MS4A14: variants seen among roughly 807,000 people sequenced by gnomAD.
MS4A14 encodes membrane-spanning 4-domains subfamily A member 14.
A neutral mutation model predicts 16.7 loss-of-function variants in MS4A14; 18 were observed. That is an observed-to-expected ratio of 1.08 (90% CI 0.75 to 1.60). The LOEUF is 1.60. Among genes scored for constraint, MS4A14 ranks in the 40% most tolerant of loss-of-function variants. The probability of loss-of-function intolerance (pLI) is 0.00; values close to 1 mark genes in which losing one functional copy is unlikely to be tolerated. For synonymous variants in MS4A14, 305 were observed against 289.4 expected (o/e 1.05, Z -0.55); for missense variants, 812 against 775.3 (o/e 1.05, Z -0.56).
In MS4A14 at chr11:60,403,300, G is replaced by A. The variant is rs576125850; in HGVS notation, c.468+239G>A. 71 of 477,254 alleles carry A rather than the reference G, an allele frequency of 1.5e-4. 1 individual carries two copies. Among genetic ancestry groups the A allele is most frequent in the South Asian group, 7.3e-4 (33 of 45,308 alleles). The allele number at this position is 477,254 out of a possible 1,614,324, so 29.6% of individuals were successfully genotyped here. ...TAATATTGTATTCTCTCTAAGCTTCGGTTTTCCTCAAGTGGAAAATGAACA... is the reference window on the plus strand; with the variant it reads ...TAATATTGTATTCTCTCTAAGCTTCAGTTTTCCTCAAGTGGAAAATGAACA... On this transcript the variant is annotated intron_variant, in intron 4 of 4. Coordinates refer to ENST00000300187, the MANE Select transcript of MS4A14 (RefSeq NM_032597.5).
intron 2 of MS4A14, among the ~76,000 whole-genome samples, chr11:60,399,537 G>C (rs1489724295): frequency 6.6e-6 from 1 of 152,182 alleles, no homozygotes; most frequent in Non-Finnish European, 1.5e-5. Flanking sequence ...TTTTAAAGAG[G>C]ATAGTGACAC....
intron 4 of MS4A14, among the ~76,000 whole-genome samples, chr11:60,405,249 T>C (rs1018917892): frequency 2.0e-5 from 3 of 152,144 alleles, no homozygotes; most frequent in Admixed American, 2.0e-4. Flanking sequence ...CCAGCTAATT[T>C]TGTATTTTTA....
Position 60,406,318 on chromosome 11 carries a change from G to A in MS4A14, c.468+3257G>A, listed in dbSNP as rs567867507. Among the ~76,000 whole-genome samples the A allele has an allele frequency of 4.6e-5, 7 of 152,192 alleles. No individual in the cohort carries two copies. The South Asian group carries it at 1.5e-3, about 32-fold the overall frequency. ...CTGTGACATGGGGTGTATATTCTTG[G>A]ATCATAAGATGTGTGACACAGTTCC... On this transcript the variant is annotated intron_variant, in intron 4 of 4. Transcript: ENST00000300187.
rs1363935999 is a variant in MS4A14 at position 60,416,547 on chromosome 11, T to C, written c.1579T>C (p.Ser527Pro). Residue 527 changes from serine to proline, a missense_variant, in exon 5 of 5, where the codon TCT becomes CCT. Physicochemically the swap from Ser to Pro is moderately conservative, Grantham distance 74 (BLOSUM62 -1). Transcript: ENST00000300187. ...AGATCAGCAAAGCAAAGGCTGGCAATCTCCAAAGCAGAAATCCTTAGACCA... is the reference window on the plus strand; with the variant it reads ...AGATCAGCAAAGCAAAGGCTGGCAACCTCCAAAGCAGAAATCCTTAGACCA... ...SLDQQSKGWQ[S>P]PKQKSLDQQI... is the part of the protein sequence containing the mutation. The C allele has an allele frequency of 6.2e-7, 1 of 1,613,628 alleles. No individual in the cohort carries two copies. The highest frequency in any genetic ancestry group is 2.2e-5 in the East Asian group (1 of 44,858).
At position 60,415,919 on chromosome 11, in the gene MS4A14, T is replaced by G. The variant is rs114663860; in HGVS notation, c.951T>G (p.Pro317=). The change falls in exon 5 of 5, where the codon CCT becomes CCG. Residue 317 remains proline, a synonymous_variant. Transcript: ENST00000300187. ...HSALKLEDIS[P]EDLPSQALPV... ...CACTAAAACTCGAAGATATATCACC[T>G]GAAGACTTGCCATCCCAAGCTCTAC... The G allele has an allele frequency of 2.5e-3, 4,081 of 1,613,960 alleles. 54 individuals carry two copies. The highest frequency in any genetic ancestry group is 0.024 in the African/African-American group (1,812 of 75,008).
rs2085944282 is a variant in MS4A14, at chr11:60,416,388, G to A, written c.1420G>A (p.Glu474Lys). 3.7e-6 allele frequency: 6 copies of A among 1,613,856 alleles called. No homozygotes were observed. The highest frequency in any genetic ancestry group is 1.3e-5 in the African/African-American group (1 of 74,910). Residue 474 changes from glutamate (E) to lysine (K), a missense_variant, in exon 5 of 5, where the codon GAG becomes AAG. Glu to Lys is a moderately conservative substitution (Grantham distance 56). Coordinates refer to ENST00000300187, the MANE Select transcript of MS4A14 (RefSeq NM_032597.5). ...GGAAGAGACCAAAGAATGGAAATCT[G>A]AGGAGGAACTCCATAGAAGAAAATC... ...VMEETKEWKS[E>K]EELHRRKSSR...
At chr11:60,397,806 G>C (rs1295293070) in intron 1 of MS4A14, 46 bp from the exon 2 acceptor site, 7 of 1,597,940 alleles carry the variant, frequency 4.4e-6, no homozygotes, top group Non-Finnish European at 6.0e-6. Context: ...TAGCCCACAG[G>C]GTCTTGGATA....
chr11:60,413,718 C>A (rs1186176242), intron 4 of MS4A14, among the ~76,000 whole-genome samples: 1 of 151,938 alleles, frequency 6.6e-6, no homozygotes, highest in Non-Finnish European at 1.5e-5. Context: ...ACAGGGGATT[C>A]AAAAATAATA....
chr11:60,398,081 G>A (rs1262279945), intron 2 of MS4A14, 101 bp downstream of exon 2: 8 of 1,345,094 alleles, frequency 5.9e-6, no homozygotes, highest in Non-Finnish European at 6.0e-6. Flanking sequence ...TGGCCCTCCA[G>A]GAGACCAAAA....
intron 4 of MS4A14, among the ~76,000 whole-genome samples, chr11:60,409,380 A>G (rs1294312653): frequency 6.6e-6 from 1 of 151,942 alleles, no homozygotes; most frequent in Non-Finnish European, 1.5e-5. Flanking sequence ...CATGAAGTCA[A>G]CTTTTTTAGA....
intron 3 of MS4A14, 74 bp downstream of exon 3, chr11:60,400,528 G>T: frequency 9.4e-7 from 1 of 1,067,690 alleles, no homozygotes; most frequent in Admixed American, 2.1e-5. Flanking sequence ...GAAGCCTTTA[G>T]TAATAAAGTT....
chr11:60,414,644 C>T (rs2085912820), intron 4 of MS4A14, among the ~76,000 whole-genome samples: 1 of 152,052 alleles, frequency 6.6e-6, no homozygotes, highest in South Asian at 2.1e-4. Flanking sequence ...TAAAAAACTC[C>T]AATTGCTTCC....
Position 60,396,559 on chromosome 11 carries a change from T to C in MS4A14, c.-20T>C. 10 of 1,611,444 alleles carry C rather than the reference T, an allele frequency of 6.2e-6. No homozygotes were observed. Among genetic ancestry groups the C allele is most frequent in the Non-Finnish European group, 8.5e-6 (10 of 1,178,788 alleles). On this transcript the variant is annotated 5_prime_UTR_variant, in exon 1 of 5. It removes the in-frame stop codon of an upstream open reading frame in the 5' UTR. Coordinates refer to ENST00000300187, the MANE Select transcript of MS4A14 (RefSeq NM_032597.5). Reference sequence around the variant, plus strand: ...AATGTTTGCTCACTCTTTCCCTTACTAGAGTTCTGCCATAGAATCATGGAG... The same window carrying C: ...AATGTTTGCTCACTCTTTCCCTTACCAGAGTTCTGCCATAGAATCATGGAG...
chr11:60,398,868 A>C (rs2085668739), intron 2 of MS4A14, among the ~76,000 whole-genome samples: 1 of 152,190 alleles, frequency 6.6e-6, no homozygotes, highest in African/African-American at 2.4e-5. Context: ...TGATTTTCAA[A>C]CTATACATGC....
chr11:60,416,421 C>T lies in MS4A14; in HGVS notation c.1453C>T (p.Arg485Trp), dbSNP rs376488191. The change falls in exon 5 of 5, where the codon CGG becomes TGG. Residue 485 changes from arginine to tryptophan, a missense_variant. Transcript: ENST00000300187. Reference protein sequence around the residue: ...EELHRRKSSRRHSLNQQTKAL... With the variant: ...EELHRRKSSRWHSLNQQTKAL... The stretch of plus-strand genomic sequence containing the variant: ...ACTCCATAGAAGAAAATCCTCAAGA[C>T]GGCATTCCTTAAACCAGCAAACCAA... 71 of 1,613,826 alleles carry T rather than the reference C, an allele frequency of 4.4e-5. 1 individual carries two copies. The Middle Eastern group carries it at 4.9e-4, about 11-fold the overall frequency.
chr11:60,417,126 A>C lies in MS4A14; in HGVS notation c.*118A>C. 1 of 1,317,430 alleles carries C rather than the reference A, an allele frequency of 7.6e-7. No homozygotes were observed. The highest frequency in any genetic ancestry group is 1.0e-6 in the Non-Finnish European group (1 of 986,990). The allele number at this position is 1,317,430 out of a possible 1,614,324, so 81.6% of individuals were successfully genotyped here. A position where few individuals can be genotyped will look rare whatever the true frequency, so the allele number is the denominator to read the frequency against. ...CTAAAGCAGAAAGCTCTATACCAAGAAGTCCAAACCCAGCACGCAACAGCC... is the reference window on the plus strand; with the variant it reads ...CTAAAGCAGAAAGCTCTATACCAAGCAGTCCAAACCCAGCACGCAACAGCC... On this transcript the variant is annotated 3_prime_UTR_variant, in exon 5 of 5. Coordinates refer to ENST00000300187, the MANE Select transcript of MS4A14 (RefSeq NM_032597.5).
At chr11:60,404,525 A>G (rs776186909) in intron 4 of MS4A14, 2 of 456,780 alleles carry the variant, frequency 4.4e-6, no homozygotes, top group African/African-American at 4.0e-5. Flanking sequence ...TATCCTACCT[A>G]TCTTTCCAAC....
intron 4 of MS4A14, among the ~76,000 whole-genome samples, chr11:60,411,560 A>G (rs188018354): frequency 6.6e-6 from 1 of 152,246 alleles, no homozygotes; most frequent in East Asian, 1.9e-4. Context: ...TGTTATTTTC[A>G]TATTGTTTAT....
Position 60,417,056 on chromosome 11 carries a change from G to T in MS4A14, c.*48G>T. The T allele has an allele frequency of 6.4e-7, 1 of 1,561,624 alleles. No individual in the cohort carries two copies. Among genetic ancestry groups the T allele is most frequent in the Non-Finnish European group, 8.6e-7 (1 of 1,158,036 alleles). ...TTATAAAGCACGAGAATGGCAATTT[G>T]AAATGAAGCACTGGCAAACACAGGA... is the stretch of plus-strand genomic sequence containing the variant. On this transcript the variant is annotated 3_prime_UTR_variant, in exon 5 of 5. Coordinates refer to ENST00000300187, the MANE Select transcript of MS4A14 (RefSeq NM_032597.5).
Sources: allele counts gnomAD v4.1 joint callset (sites outside exome capture counted in the v4.1 genomes callset), GRCh38; gene constraint gnomAD v4.1.1; transcripts MANE v1.5; gene names NCBI Gene and HGNC (gene_info 2026-07-23, HGNC 2026-07-21).